Variants in TPP2 observed in about 807,000 individuals in gnomAD.
TPP2 encodes the protein tripeptidyl-peptidase 2.
TPP2 carries 34 observed loss-of-function variants against 155.9 expected under a neutral mutation model. That is an observed-to-expected ratio of 0.22 (90% CI 0.17 to 0.29). The LOEUF (loss-of-function observed/expected upper bound fraction) is 0.29, where lower values mean the gene tolerates loss of function less well. Among genes scored for constraint, TPP2 ranks in the 10% least tolerant of loss-of-function variants. The pLI is 1.00. For synonymous variants in TPP2, 510 were observed against 529.4 expected, an observed-to-expected ratio of 0.96 and a Z score of 0.50; for missense variants, 1,028 against 1,522.3, an observed-to-expected ratio of 0.68 and a Z score of 5.40.
chr13:102,603,140 CA>C (rs1335380347), intron 1 of TPP2, among the ~76,000 whole-genome samples: 9 of 152,084 alleles, frequency 5.9e-5, no homozygotes, highest in Admixed American at 5.9e-4. Context: ...GGCAAGAAAT[CA>C]AACCTTTGAA....
At chr13:102,652,428 ATATATATATATATATATATATATAT>A (rs1883572327) in intron 24 of TPP2, among the ~76,000 whole-genome samples, 1 of 16,574 alleles carries the variant, frequency 6.0e-5, no homozygotes, top group Non-Finnish European at 1.1e-4. Flanking sequence ...ATATATATAT[ATATATATATATATATATATATATAT>A]AAAAGGGACC....
rs148632341 is a variant in TPP2 at position 102,635,804 on chromosome 13, C to G, written c.1509+102C>G. 8.0e-4 allele frequency: 700 copies of G among 879,394 alleles called. 3 individuals carry two copies. In the African/African-American group the frequency reaches 0.01, roughly 13 times the overall value. The allele number at this position is 879,394 out of a possible 1,614,324, so 54.5% of individuals were successfully genotyped here. ...GTTTTATAACAGTGATTCAGTATAT[C>G]TGAATTATGGATTATATGGCCATAG... On this transcript the variant is annotated intron_variant, in intron 12 of 29. Transcript: ENST00000376052.
At position 102,643,356 on chromosome 13, in the gene TPP2, A is replaced by T; in HGVS notation, c.2155A>T (p.Thr719Ser). The change falls in exon 17 of 30, where the codon ACT (threonine) becomes TCT (serine). Residue 719 changes from threonine to serine, a missense_variant. Physicochemically the swap from Thr to Ser is moderately conservative, Grantham distance 58. Transcript: ENST00000376052. ...FCSLPEKGTL[T>S]EAFPVLGGKA... ...TTCTCTTCCAGAGAAAGGAACACTGACTGAAGCTTTTCCTGTCCTAGTAAG... is the reference window on the plus strand; with the variant it reads ...TTCTCTTCCAGAGAAAGGAACACTGTCTGAAGCTTTTCCTGTCCTAGTAAG... 6.2e-7 allele frequency: 1 copy of T among 1,605,548 alleles called. No homozygotes were observed. Among genetic ancestry groups the T allele is most frequent in the Non-Finnish European group, 8.5e-7 (1 of 1,177,666 alleles).
intron 25 of TPP2, among the ~76,000 whole-genome samples, chr13:102,661,477 A>G (rs766577801): frequency 3.9e-5 from 6 of 152,002 alleles, no homozygotes; most frequent in Non-Finnish European, 5.9e-5. Flanking sequence ...CCCCGGCCTC[A>G]ATTAATCCTC....
At chr13:102,664,370 A>G (rs1163995288) in intron 26 of TPP2, among the ~76,000 whole-genome samples, 1 of 152,226 alleles carries the variant, frequency 6.6e-6, no homozygotes, top group African/African-American at 2.4e-5. Context: ...TGGATCAGAA[A>G]GAAATGGTTT....
chr13:102,647,491 C>G (rs952354203), intron 21 of TPP2, 147 bp downstream of exon 21: 22 of 988,524 alleles, frequency 2.2e-5, no homozygotes, highest in Non-Finnish European at 3.0e-5. Flanking sequence ...CTGTGAGAGC[C>G]TGTTTGTTGT....
At chr13:102,633,490 T>C (rs1368214400) in intron 10 of TPP2, among the ~76,000 whole-genome samples, 1 of 152,218 alleles carries the variant, frequency 6.6e-6, no homozygotes, top group South Asian at 2.1e-4. Flanking sequence ...CATTAATGTC[T>C]TGTTAGCTTT....
At position 102,597,150 on chromosome 13, in the gene TPP2, G is replaced by T. The variant is rs776193748; in HGVS notation, c.112G>T (p.Val38Leu). 6.2e-7 allele frequency: 1 copy of T among 1,607,988 alleles called. No homozygotes were observed. The highest frequency in any genetic ancestry group is 2.2e-5 in the East Asian group (1 of 44,530). The part of the protein sequence containing the change: ...CRYPEYDGRG[V>L]LIAVLDTGVD... ...CTACCCGGAGTATGATGGGCGGGGG[G>T]TGCTCATCGCAGTCCTGGACACGGG... The change falls in exon 1 of 30, where the codon GTG becomes TTG. Residue 38 changes from valine (V) to leucine (L), a missense_variant. By Grantham distance (32) the Val-to-Leu change is conservative. Around this residue, in one of 7 missense-constraint regions of TPP2, gnomAD observed 300 missense variants for 398.3 expected, o/e 0.75. Coordinates refer to ENST00000376052, the MANE Select transcript of TPP2 (RefSeq NM_001330588.2).
intron 10 of TPP2, 31 bp from the exon 11 acceptor site, chr13:102,633,919 C>G (rs996671961): frequency 3.7e-6 from 6 of 1,613,176 alleles, no homozygotes; most frequent in Non-Finnish European, 5.1e-6. Context: ...CTTTCACCAT[C>G]CTAAGCAAAC....
At chr13:102,656,829 T>C (rs1883889606) in intron 24 of TPP2, among the ~76,000 whole-genome samples, 1 of 152,224 alleles carries the variant, frequency 6.6e-6, no homozygotes, top group Non-Finnish European at 1.5e-5. Flanking sequence ...CTTATCTCTT[T>C]TATTTTAAAG....
At chr13:102,656,146 T>A (rs960044575) in intron 24 of TPP2, among the ~76,000 whole-genome samples, 1 of 152,156 alleles carries the variant, frequency 6.6e-6, no homozygotes, top group African/African-American at 2.4e-5. Context: ...ATTTTCCAAA[T>A]AGAATACAAA....
At chr13:102,642,417 A>G (rs930540996) in intron 16 of TPP2, among the ~76,000 whole-genome samples, 1 of 152,114 alleles carries the variant, frequency 6.6e-6, no homozygotes, top group Non-Finnish European at 1.5e-5. Context: ...TTAGGTTGGT[A>G]TTGAAAATAA....
chr13:102,678,376 A>G lies in TPP2; in HGVS notation c.*60A>G. 1 of 1,486,382 alleles carries G rather than the reference A, an allele frequency of 6.7e-7. No individual in the cohort carries two copies. The highest frequency in any genetic ancestry group is 9.3e-7 in the Non-Finnish European group (1 of 1,075,314). 92.1% of individuals were successfully genotyped at this position (1,486,382 alleles called of 1,614,324 possible). On this transcript the variant is annotated 3_prime_UTR_variant, in exon 30 of 30. Coordinates refer to ENST00000376052, the MANE Select transcript of TPP2 (RefSeq NM_001330588.2). ...AGTTTTATAGTGAATGGGTATAAAA[A>G]CAAATTTGTGGCATTTTTAGTCTAA...
intron 1 of TPP2, among the ~76,000 whole-genome samples, chr13:102,597,482 C>A (rs1338173592): frequency 6.6e-6 from 1 of 152,194 alleles, no homozygotes; most frequent in Non-Finnish European, 1.5e-5. Flanking sequence ...AGCAGCGTGC[C>A]CGGCGCGGCT....
intron 27 of TPP2, among the ~76,000 whole-genome samples, chr13:102,670,177 G>T (rs1566374034): frequency 6.6e-6 from 1 of 151,570 alleles, no homozygotes; most frequent in African/African-American, 2.4e-5. Flanking sequence ...TGGGTGGGGG[G>T]GTGTGGCGGT....
intron 19 of TPP2, among the ~76,000 whole-genome samples, chr13:102,645,898 TG>T (rs1010588412): frequency 2.0e-5 from 3 of 152,190 alleles, no homozygotes; most frequent in African/African-American, 7.2e-5. Context: ...AGCAGGGGTC[TG>T]GGGAGGTCTG....
chr13:102,598,167 T>G (rs1181714155), intron 1 of TPP2, among the ~76,000 whole-genome samples: 1 of 152,240 alleles, frequency 6.6e-6, no homozygotes, highest in Non-Finnish European at 1.5e-5. Context: ...CTTTTAACCC[T>G]TTACTGAAAT....
intron 22 of TPP2, 98 bp downstream of exon 22, chr13:102,649,249 T>A: frequency 6.7e-7 from 1 of 1,486,134 alleles, no homozygotes; most frequent in Non-Finnish European, 8.9e-7. Flanking sequence ...GAGGATGTAG[T>A]CATTTTTTTT....
chr13:102,667,738 A>T (rs1884699895), intron 27 of TPP2: 1 of 985,224 alleles, frequency 1.0e-6, no homozygotes. Flanking sequence ...ACAAATGCAG[A>T]TTACCTGTGT....
Sources: allele counts gnomAD v4.1 joint callset (sites outside exome capture counted in the v4.1 genomes callset), GRCh38; gene constraint gnomAD v4.1.1; regional missense constraint gnomAD v4.1.1; transcripts MANE v1.5; gene names NCBI Gene and HGNC (gene_info 2026-07-23, HGNC 2026-07-21).